The following CDK6 variants were observed in gnomAD, a reference collection of about 807,000 sequenced individuals.
CDK6 encodes cyclin-dependent kinase 6.
CDK6 carries 6 observed loss-of-function variants against 37.1 expected under a neutral mutation model. The ratio of observed to expected loss-of-function variants is 0.16; its 90% confidence interval spans 0.09 to 0.32. The LOEUF (loss-of-function observed/expected upper bound fraction) is 0.32. Ranked by LOEUF, CDK6 falls within the 10% of genes least tolerant of loss-of-function variation. CDK6 has a pLI of 1.00. For synonymous variants in CDK6, 160 were observed against 161.3 expected (o/e 0.99, Z 0.06); for missense variants, 224 against 418.9 (o/e 0.53, Z 4.06).
At position 92,833,269 on chromosome 7, in the gene CDK6, T is replaced by G. The variant is rs2116034159; in HGVS notation, c.55A>C (p.Ile19Leu). The change falls in exon 2 of 8, where the codon ATC (isoleucine) becomes CTC (leucine). Residue 19 changes from isoleucine to leucine, a missense_variant. Coordinates refer to ENST00000424848, the MANE Select transcript of CDK6 (RefSeq NM_001145306.2). This position sits in a 1 kb window ranked among gnomAD's most constrained non-coding sequence, Gnocchi z 6.1. ...ADQQYECVAE[I>L]GEGAYGKVFK... ...ACCTTCCCATAGGCGCCCTCCCCGA[T>G]CTCCGCCACGCATTCGTACTGCTGG... 1 of 1,610,094 alleles carries G rather than the reference T, an allele frequency of 6.2e-7. No homozygotes were observed. The highest frequency in any genetic ancestry group is 8.5e-7 in the Non-Finnish European group (1 of 1,178,982).
chr7:92,695,996 A>T (rs1320398732), intron 4 of CDK6, among the ~76,000 whole-genome samples: 1 of 149,434 alleles, frequency 6.7e-6, no homozygotes, highest in East Asian at 1.9e-4. Context: ...GCATGTATTC[A>T]ATCTGCTGTC....
At chr7:92,729,080 TATAA>T (rs1798581602) in intron 3 of CDK6, among the ~76,000 whole-genome samples, 3 of 152,260 alleles carry the variant, frequency 2.0e-5, no homozygotes, top group Admixed American at 2.0e-4. Context: ...CAGAGGATTA[TATAA>T]ATAAATAAAT....
intron 5 of CDK6, among the ~76,000 whole-genome samples, chr7:92,666,792 T>C (rs1238747455): frequency 2.6e-5 from 4 of 152,256 alleles, no homozygotes; most frequent in Admixed American, 2.0e-4. Flanking sequence ...TATAATTATA[T>C]ACAGTACATA....
chr7:92,775,868 T>C (rs1257858422), intron 2 of CDK6, among the ~76,000 whole-genome samples: 1 of 152,196 alleles, frequency 6.6e-6, no homozygotes, highest in African/African-American at 2.4e-5. Flanking sequence ...CAATAACTGA[T>C]GCACAGGGTT....
At chr7:92,808,910 T>C (rs746051821) in intron 2 of CDK6, among the ~76,000 whole-genome samples, 17 of 152,364 alleles carry the variant, frequency 1.1e-4, no homozygotes, top group Non-Finnish European at 2.4e-4. Flanking sequence ...GTCAGGGCTA[T>C]GTTTTCTGTA....
At chr7:92,682,638 A>G (rs776375892) in intron 4 of CDK6, among the ~76,000 whole-genome samples, 3 of 152,188 alleles carry the variant, frequency 2.0e-5, no homozygotes, top group Non-Finnish European at 4.4e-5. Context: ...TAAAATAAAC[A>G]TATGTTCCAA....
intron 4 of CDK6, chr7:92,725,212 T>C (rs1798482507): frequency 2.0e-6 from 2 of 985,438 alleles, no homozygotes; most frequent in Non-Finnish European, 2.4e-6. Flanking sequence ...TTAACAAACC[T>C]GTGTAGGCAC....
chr7:92,727,900 G>A (rs768936088), intron 3 of CDK6, among the ~76,000 whole-genome samples: 27 of 152,124 alleles, frequency 1.8e-4, no homozygotes, highest in Non-Finnish European at 2.9e-4. Context: ...GTCTTTATTG[G>A]AAACACATGC....
intron 5 of CDK6, among the ~76,000 whole-genome samples, chr7:92,657,634 G>C (rs147975904): frequency 3.9e-5 from 6 of 152,284 alleles, no homozygotes; most frequent in Non-Finnish European, 8.8e-5. Flanking sequence ...GAAACCCACA[G>C]TGAATTTTAC....
chr7:92,782,232 T>C (rs1800010327), intron 2 of CDK6, among the ~76,000 whole-genome samples: 1 of 152,226 alleles, frequency 6.6e-6, no homozygotes, highest in Non-Finnish European at 1.5e-5. Flanking sequence ...GGCTATGTAT[T>C]AGTACCAAAT....
intron 4 of CDK6, among the ~76,000 whole-genome samples, chr7:92,708,737 T>G (rs920101464): frequency 6.6e-6 from 1 of 152,230 alleles, no homozygotes; most frequent in Non-Finnish European, 1.5e-5. Flanking sequence ...ATTAAACCAC[T>G]AGAAAATTTC....
At chr7:92,737,536 G>A (rs1381440780) in intron 3 of CDK6, among the ~76,000 whole-genome samples, 1 of 152,054 alleles carries the variant, frequency 6.6e-6, no homozygotes, top group East Asian at 1.9e-4. Context: ...ACTGTCCTTA[G>A]GTGCTTTTTA....
intron 5 of CDK6, among the ~76,000 whole-genome samples, chr7:92,640,659 T>C (rs1324551201): frequency 6.6e-6 from 1 of 152,202 alleles, no homozygotes; most frequent in Non-Finnish European, 1.5e-5. Flanking sequence ...TTCACACACA[T>C]TTAATCCCAA....
intron 2 of CDK6, among the ~76,000 whole-genome samples, chr7:92,790,651 T>C (rs1800257863): frequency 6.6e-6 from 1 of 152,178 alleles, no homozygotes; most frequent in African/African-American, 2.4e-5. Flanking sequence ...TATACACAGA[T>C]ACACATAAGT....
intron 2 of CDK6, among the ~76,000 whole-genome samples, chr7:92,819,456 G>A (rs1801116146): frequency 6.6e-6 from 1 of 152,012 alleles, no homozygotes. Context: ...TGTGGTGGTG[G>A]TTAGTAGGTG....
chr7:92,682,397 T>C lies in CDK6; in HGVS notation c.538-10862A>G, dbSNP rs150280623. 1.1e-4 allele frequency among the ~76,000 whole-genome samples: 16 copies of C among 152,356 alleles called. No individual in the cohort carries two copies. In the East Asian group the frequency reaches 3.1e-3, roughly 29 times the overall value. ...GTGCTATGTCGTGCCTCATGTGGTC[T>C]TCCCATAGGCCCTTCTCTGGAATGC... On this transcript the variant is annotated intron_variant, in intron 4 of 7. Transcript: ENST00000424848.
At chr7:92,714,195 G>A (rs73710460) in intron 4 of CDK6, among the ~76,000 whole-genome samples, 26 of 152,284 alleles carry the variant, frequency 1.7e-4, no homozygotes, top group African/African-American at 5.8e-4. Context: ...CTTTATCCTG[G>A]GGAGTTGGGC....
intron 5 of CDK6, among the ~76,000 whole-genome samples, chr7:92,637,025 T>C (rs1796189159): frequency 2.0e-5 from 3 of 152,180 alleles, no homozygotes; most frequent in East Asian, 1.9e-4. Flanking sequence ...CTTTTTAATA[T>C]GAAAGTGCAA....
intron 7 of CDK6, among the ~76,000 whole-genome samples, chr7:92,615,555 C>T (rs1337828356): frequency 6.6e-6 from 1 of 152,184 alleles, no homozygotes; most frequent in Non-Finnish European, 1.5e-5. Context: ...ATGCATATAA[C>T]TTTATTTAGT....
Sources: allele counts gnomAD v4.1 joint callset (sites outside exome capture counted in the v4.1 genomes callset), GRCh38; gene constraint gnomAD v4.1.1; non-coding constraint Gnocchi (gnomAD v3.1); transcripts MANE v1.5; gene names NCBI Gene and HGNC (gene_info 2026-07-23, HGNC 2026-07-21).